The following PHF20L1 variants were observed in gnomAD, a reference collection of about 807,000 sequenced individuals.
PHF20L1 encodes PHD finger protein 20-like protein 1.
PHF20L1 carries 44 observed loss-of-function variants against 125.5 expected under a neutral mutation model. The ratio of observed to expected loss-of-function variants is 0.35; its 90% CI spans 0.28 to 0.45. The LOEUF (loss-of-function observed/expected upper bound fraction) is 0.45. Ranked by LOEUF, PHF20L1 falls within the 20% of genes least tolerant of loss-of-function variation. The probability of loss-of-function intolerance (pLI) is 1.00; values close to 1 mark genes in which losing one functional copy is unlikely to be tolerated. For synonymous variants in PHF20L1, 380 were observed against 403.1 expected, an observed-to-expected ratio of 0.94 and a Z score of 0.69; for missense variants, 1,012 against 1,217.2, an observed-to-expected ratio of 0.83 and a Z score of 2.51.
In PHF20L1 at chr8:132,804,011, C is replaced by T. The variant is rs1396319326; in HGVS notation, c.700C>T (p.Pro234Ser). ...AGACGTAGAGAAGAAGGAAGATCTG[C>T]CTACATCTAGTGAAACATTTGGTAC... ...TPDVEKKEDL[P>S]TSSETFGLHV... is the part of the protein sequence containing the mutation. Residue 234 changes from proline to serine, a missense_variant, in exon 7 of 21, where the codon CCT (proline) becomes TCT (serine). Transcript: ENST00000395386. The T allele has an allele frequency of 1.2e-6, 2 of 1,607,400 alleles. No individual in the cohort carries two copies. Among genetic ancestry groups the T allele is most frequent in the Admixed American group, 1.7e-5 (1 of 59,854 alleles).
At chr8:132,805,670 GTAAAC>G (rs1170053929) in intron 8 of PHF20L1, among the ~76,000 whole-genome samples, 2 of 151,902 alleles carry the variant, frequency 1.3e-5, no homozygotes, top group African/African-American at 4.8e-5. Flanking sequence ...AGGAATACAT[GTAAAC>G]TAAACATTTT....
intron 14 of PHF20L1, among the ~76,000 whole-genome samples, chr8:132,827,419 C>G (rs1247950282): frequency 6.6e-6 from 1 of 152,020 alleles, no homozygotes; most frequent in African/African-American, 2.4e-5. Context: ...CCTGCATTGT[C>G]AGTGCAGGAA....
chr8:132,781,014 T>TA (rs200978691), intron 2 of PHF20L1, among the ~76,000 whole-genome samples: 3 of 151,628 alleles, frequency 2.0e-5, no homozygotes, highest in Admixed American at 6.6e-5. Context: ...TGGGCTAATT[T>TA]AAAAAAAAAT....
chr8:132,839,915 T>G (rs1837759118), intron 18 of PHF20L1, among the ~76,000 whole-genome samples: 2 of 152,110 alleles, frequency 1.3e-5, no homozygotes, highest in African/African-American at 4.8e-5. Context: ...GTGTCCTCCT[T>G]CAGGAATGCT....
At chr8:132,780,494 A>T (rs6471099) in intron 2 of PHF20L1, among the ~76,000 whole-genome samples, 47,606 of 152,026 alleles carry the variant, frequency 0.31, 7,686 homozygotes, top group African/African-American at 0.36. Context: ...CATTGAAAAT[A>T]TACAGAAATT....
chr8:132,786,426 C>G (rs1251848828), intron 2 of PHF20L1, among the ~76,000 whole-genome samples: 3 of 152,016 alleles, frequency 2.0e-5, no homozygotes, highest in African/African-American at 7.2e-5. Flanking sequence ...CACAAACCAA[C>G]TTTAGGCATG....
In PHF20L1 at chr8:132,836,521, C is replaced by CT. The variant is rs1339189486; in HGVS notation, c.1910-14dup. ...AAATAGAAAAGTTGTTCTAAGTATA[C>CT]TTTTTGTATATATTCTAGACTTATC... On this transcript the variant is annotated intron_variant, in intron 15 of 20. Transcript: ENST00000395386. 7 of 1,517,334 alleles carry CT rather than the reference C, an allele frequency of 4.6e-6. No individual in the cohort carries two copies. Among genetic ancestry groups the CT allele is most frequent in the Non-Finnish European group, 6.3e-6 (7 of 1,108,070 alleles). 94.0% of individuals were successfully genotyped at this position (1,517,334 alleles called of 1,614,324 possible).
chr8:132,845,832 T>A lies in PHF20L1; in HGVS notation c.2963T>A (p.Leu988His). ...GGGGAGTTGGAGCCACCAGATCCTC[T>A]TGCAAGATTGCCCCAACTTAAACGC... Reference protein sequence around the residue: ...FTGELEPPDPLARLPQLKRHI... With the variant: ...FTGELEPPDPHARLPQLKRHI... Residue 988 changes from leucine (L) to histidine (H), a missense_variant, in exon 21 of 21, where the codon CTT (leucine) becomes CAT (histidine). Leu to His is a moderately conservative substitution (Grantham distance 99). Coordinates refer to ENST00000395386, the MANE Select transcript of PHF20L1 (RefSeq NM_016018.5). The A allele has an allele frequency of 6.2e-7, 1 of 1,610,634 alleles. No homozygotes were observed. Among genetic ancestry groups the A allele is most frequent in the Non-Finnish European group, 8.5e-7 (1 of 1,177,068 alleles).
chr8:132,829,317 C>A (rs6997016), intron 14 of PHF20L1, among the ~76,000 whole-genome samples: 1 of 151,854 alleles, frequency 6.6e-6, no homozygotes, highest in Non-Finnish European at 1.5e-5. Flanking sequence ...GTAACACTTA[C>A]AGCTAAGCGA....
intron 2 of PHF20L1, among the ~76,000 whole-genome samples, chr8:132,791,138 A>G (rs1393449043): frequency 6.6e-6 from 1 of 152,098 alleles, no homozygotes; most frequent in Non-Finnish European, 1.5e-5. Context: ...AACAGTTGGC[A>G]CTCAATAAGT....
intron 2 of PHF20L1, among the ~76,000 whole-genome samples, chr8:132,784,683 A>G (rs1830811875): frequency 6.6e-6 from 1 of 152,214 alleles, no homozygotes; most frequent in South Asian, 2.1e-4. Flanking sequence ...TTTGGAATAT[A>G]ACTATATTGG....
At chr8:132,837,688 G>C (rs774577111) in intron 16 of PHF20L1, 24 bp from the exon 17 acceptor site, 25 of 1,574,218 alleles carry the variant, frequency 1.6e-5, no homozygotes, top group South Asian at 4.4e-5. Context: ...TCGGGTGACT[G>C]TAATACTCCT....
At chr8:132,834,938 A>C (rs1837176196) in intron 15 of PHF20L1, among the ~76,000 whole-genome samples, 1 of 149,686 alleles carries the variant, frequency 6.7e-6, no homozygotes. Context: ...ATAAAACATT[A>C]ATCAACAACA....
At chr8:132,818,018 T>C (rs1835166432) in intron 12 of PHF20L1, 1 of 152,456 alleles carries the variant, frequency 6.6e-6, no homozygotes, top group African/African-American at 2.4e-5. Flanking sequence ...TTAAATTTGC[T>C]GTAAAGTTAT....
chr8:132,796,955 C>G (rs1832461777), intron 4 of PHF20L1, among the ~76,000 whole-genome samples: 1 of 152,036 alleles, frequency 6.6e-6, no homozygotes, highest in Non-Finnish European at 1.5e-5. Flanking sequence ...TTAAAGTTCC[C>G]TGTGTGTGTG....
intron 1 of PHF20L1, 140 bp downstream of exon 1, chr8:132,775,785 G>T (rs1829635766): frequency 4.3e-6 from 1 of 233,328 alleles, no homozygotes; most frequent in South Asian, 1.8e-4. Flanking sequence ...TATTGTCTGG[G>T]CGCCGCAGCT....
chr8:132,840,549 G>T (rs2131922303), intron 18 of PHF20L1, among the ~76,000 whole-genome samples: 1 of 152,166 alleles, frequency 6.6e-6, no homozygotes, highest in Admixed American at 6.5e-5. Context: ...CCAATGGACT[G>T]AGTCCTTCCA....
At chr8:132,814,214 A>G (rs991023652) in intron 9 of PHF20L1, among the ~76,000 whole-genome samples, 9 of 151,970 alleles carry the variant, frequency 5.9e-5, no homozygotes, top group African/African-American at 2.2e-4. Context: ...AAAAGATTTT[A>G]TAAGAAAACA....
rs998242537 is a variant in PHF20L1, at chr8:132,784,632, A to G, written c.83+6721A>G. Among the ~76,000 whole-genome samples, 3 of 152,212 alleles carry G rather than the reference A, an allele frequency of 2.0e-5. No individual in the cohort carries two copies. In the South Asian group the frequency reaches 6.2e-4, roughly 31 times the overall value. On this transcript the variant is annotated intron_variant, in intron 2 of 20. Transcript: ENST00000395386. ...GAGGAGAAAATGAGAAAAATGTAGA[A>G]AACTGAATATAATTTGGAAAAAATA...
Sources: allele counts gnomAD v4.1 joint callset (sites outside exome capture counted in the v4.1 genomes callset), GRCh38; gene constraint gnomAD v4.1.1; transcripts MANE v1.5; gene names NCBI Gene and HGNC (gene_info 2026-07-23, HGNC 2026-07-21).